The following PLXNA4 variants were observed in gnomAD, a reference collection of about 807,000 sequenced individuals.
PLXNA4 encodes the protein plexin-A4.
PLXNA4 carries 44 observed loss-of-function variants against 191.8 expected under a neutral mutation model. The ratio of observed to expected loss-of-function variants is 0.23; its 90% confidence interval spans 0.18 to 0.29. The LOEUF (loss-of-function observed/expected upper bound fraction) is 0.29, where lower values mean the gene tolerates loss of function less well. Among genes scored for constraint, PLXNA4 ranks in the 10% least tolerant of loss-of-function variants. The pLI is 1.00. For synonymous variants in PLXNA4, 1,082 were observed against 1,009.5 expected (o/e 1.07, Z -1.36); for missense variants, 1,800 against 2,488.8 (o/e 0.72, Z 5.89).
chr7:132,137,422 TA>T (rs1462332526), intron 30 of PLXNA4, among the ~76,000 whole-genome samples: 1 of 152,180 alleles, frequency 6.6e-6, no homozygotes, highest in Non-Finnish European at 1.5e-5. Flanking sequence ...CAATCACTAC[TA>T]AAGTATGCAA....
At position 132,126,471 on chromosome 7, in the gene PLXNA4, G is replaced by A. The variant is rs1368430753; in HGVS notation, c.*4008C>T. On this transcript the variant is annotated 3_prime_UTR_variant, in exon 32 of 32. Coordinates refer to ENST00000321063, the MANE Select transcript of PLXNA4 (RefSeq NM_020911.2). ...ACAGGGAGGATGCTCGTGGCAGGAG[G>A]AGCACAGGCAGAAGCCAGACATGCA... 3 of 152,454 alleles carry A rather than the reference G, an allele frequency of 2.0e-5. No individual in the cohort carries two copies. The highest frequency in any genetic ancestry group is 4.4e-5 in the Non-Finnish European group (3 of 68,302). 9.4% of individuals were successfully genotyped at this position (152,454 alleles called of 1,614,324 possible). A position where few individuals can be genotyped will look rare whatever the true frequency, so the allele number is the denominator to read the frequency against.
chr7:132,464,976 C>T (rs1216658438), intron 3 of PLXNA4, among the ~76,000 whole-genome samples: 1 of 152,242 alleles, frequency 6.6e-6, no homozygotes, highest in Non-Finnish European at 1.5e-5. Flanking sequence ...TTCCTGGAGG[C>T]TGGCTTCTCT....
At chr7:132,548,699 T>C (rs1800417493) in intron 1 of PLXNA4, among the ~76,000 whole-genome samples, 1 of 152,172 alleles carries the variant, frequency 6.6e-6, no homozygotes, top group African/African-American at 2.4e-5. Flanking sequence ...TGACTCCATC[T>C]TGAATAGGGG....
intron 3 of PLXNA4, among the ~76,000 whole-genome samples, chr7:132,415,341 T>C (rs747433926): frequency 3.3e-5 from 5 of 152,196 alleles, no homozygotes; most frequent in African/African-American, 4.8e-5. Context: ...ATAAGACGTG[T>C]GTGTGTGCAC....
intron 3 of PLXNA4, among the ~76,000 whole-genome samples, chr7:132,298,736 C>A (rs1176375901): frequency 6.6e-6 from 1 of 152,256 alleles, no homozygotes; most frequent in East Asian, 1.9e-4. Context: ...CACTAAGGGT[C>A]TCTTTTTTTG....
In PLXNA4 at chr7:132,201,032, A is replaced by G. The variant is rs1398846483; in HGVS notation, c.2586+1614T>C. The stretch of plus-strand genomic sequence containing the variant: ...TTATTTGAAGACAGGGTCTTTGGAG[A>G]GGCAATCAAATTTGAAGGAGACCAT... On this transcript the variant is annotated intron_variant, in intron 12 of 31. Transcript: ENST00000321063. Among the ~76,000 whole-genome samples the G allele has an allele frequency of 2.0e-5, 3 of 152,154 alleles. No homozygotes were observed. The South Asian group carries it at 6.2e-4, about 32-fold the overall frequency.
At chr7:132,623,239 G>A (rs1424097516) in intron 2 of PLXNA4, among the ~76,000 whole-genome samples, 8 of 152,082 alleles carry the variant, frequency 5.3e-5, no homozygotes, top group Middle Eastern at 6.8e-3. Flanking sequence ...CCAGGTACTC[G>A]GGAGACTGAG....
intron 25 of PLXNA4, among the ~76,000 whole-genome samples, chr7:132,149,337 C>T (rs992863815): frequency 3.3e-5 from 5 of 152,184 alleles, no homozygotes. Context: ...GTCCAAACAC[C>T]TACAATACAT....
At chr7:132,180,068 G>T in intron 19 of PLXNA4, 147 bp from the exon 20 acceptor site, 1 of 1,385,900 alleles carries the variant, frequency 7.2e-7, no homozygotes, top group Non-Finnish European at 9.5e-7. Context: ...AGGGCATGGG[G>T]GGCTGGGAGC....
intron 3 of PLXNA4, among the ~76,000 whole-genome samples, chr7:132,424,278 G>T (rs1794955956): frequency 1.3e-5 from 2 of 152,148 alleles, no homozygotes; most frequent in Middle Eastern, 3.2e-3. Flanking sequence ...CCTGGGTTTT[G>T]CTCCATCTCT....
intron 4 of PLXNA4, among the ~76,000 whole-genome samples, chr7:132,288,465 C>A (rs764579130): frequency 2.0e-5 from 3 of 152,170 alleles, no homozygotes; most frequent in African/African-American, 2.4e-5. Context: ...AAGGCTCCCA[C>A]CTGAGTGAAA....
chr7:132,427,214 A>G (rs2117175615), intron 3 of PLXNA4, among the ~76,000 whole-genome samples: 1 of 152,218 alleles, frequency 6.6e-6, no homozygotes, highest in South Asian at 2.1e-4. Flanking sequence ...CCTGCTCCTC[A>G]CCCCAGACCT....
chr7:132,148,155 A>G (rs1021222755), intron 26 of PLXNA4, among the ~76,000 whole-genome samples, 156 bp from the exon 27 acceptor site: 4 of 152,168 alleles, frequency 2.6e-5, no homozygotes, highest in Non-Finnish European at 5.9e-5. Flanking sequence ...GGAGCAGAAC[A>G]AGACACAGAT....
At chr7:132,339,441 C>T (rs943192795) in intron 3 of PLXNA4, among the ~76,000 whole-genome samples, 4 of 152,126 alleles carry the variant, frequency 2.6e-5, no homozygotes, top group African/African-American at 9.7e-5. Flanking sequence ...TTCTACAGAG[C>T]AGTTTTCCAA....
intron 4 of PLXNA4, among the ~76,000 whole-genome samples, chr7:132,287,567 C>T (rs553036657): frequency 2.0e-5 from 3 of 152,132 alleles, no homozygotes; most frequent in African/African-American, 7.2e-5. Context: ...GTTCATGACC[C>T]CCCCCGGAGC....
intron 3 of PLXNA4, among the ~76,000 whole-genome samples, chr7:132,445,714 A>G (rs1323282712): frequency 6.6e-6 from 1 of 152,170 alleles, no homozygotes; most frequent in Non-Finnish European, 1.5e-5. Flanking sequence ...TAAAAGTGAG[A>G]AATACAAAAA....
At chr7:132,496,473 C>T (rs978842247) in intron 2 of PLXNA4, among the ~76,000 whole-genome samples, 1 of 152,160 alleles carries the variant, frequency 6.6e-6, no homozygotes. Flanking sequence ...ACAATCTTGG[C>T]TCACTGCAAC....
intron 3 of PLXNA4, chr7:132,384,664 T>C: frequency 1.0e-6 from 1 of 996,422 alleles, no homozygotes; most frequent in African/African-American, 1.7e-5. Context: ...AGCACTGAGT[T>C]AATTACATGA....
intron 2 of PLXNA4, among the ~76,000 whole-genome samples, chr7:132,489,752 G>GCCTTTGGGAGGCGCTGT (rs1432045346): frequency 6.6e-6 from 1 of 152,048 alleles, no homozygotes; most frequent in Non-Finnish European, 1.5e-5. Context: ...CCCTCCCAGC[G>GCCTTTGGGAGGCGCTGT]CCATCTTGGG....
Sources: gnomAD v4.1 joint callset for allele counts (sites outside exome capture counted in the v4.1 genomes callset) on GRCh38, gnomAD v4.1.1 for gene constraint, MANE v1.5 for transcripts, NCBI Gene and HGNC (gene_info 2026-07-23, HGNC 2026-07-21) for gene names.